SLC25A28: variants seen among roughly 807,000 people sequenced by gnomAD.
SLC25A28 encodes the protein solute carrier family 25 member 28, also known as mitoferrin-2.
Under a neutral mutation model 31.9 loss-of-function variants are expected in SLC25A28, and 10 were observed. That is an observed-to-expected ratio of 0.31 (90% CI 0.19 to 0.53). The LOEUF (loss-of-function observed/expected upper bound fraction) is 0.53, where lower values mean the gene tolerates loss of function less well. Ranked by LOEUF, SLC25A28 falls within the 20% of genes least tolerant of loss-of-function variation. The pLI is 0.95. For synonymous variants in SLC25A28, 208 were observed against 203.6 expected, an observed-to-expected ratio of 1.02 and a Z score of -0.19; for missense variants, 256 against 490.3, an observed-to-expected ratio of 0.52 and a Z score of 4.51.
upstream of SLC25A28, chr10:99,620,978 C>T (rs550589588): frequency 3.6e-5 from 35 of 985,302 alleles, no homozygotes; most frequent in Admixed American, 1.5e-3. Context: ...AATTCTGAGA[C>T]GCGTGGCTGG....
rs530162148 is a variant in SLC25A28 at position 99,613,546 on chromosome 10, A to C, written c.520+150T>G. On this transcript the variant is annotated intron_variant, in intron 2 of 3. Transcript: ENST00000370495. This position sits in a 1 kb window ranked among gnomAD's most constrained non-coding sequence, Gnocchi z 4.9. Reference sequence around the variant, plus strand: ...GGGTTGAAGCGGCCCGTTGTCTGAGAACATCAGGTTTGGAAGTCCCTCCCT... The same window carrying C: ...GGGTTGAAGCGGCCCGTTGTCTGAGCACATCAGGTTTGGAAGTCCCTCCCT... The C allele has an allele frequency of 4.8e-5, 71 of 1,489,378 alleles. 1 individual carries two copies. The South Asian group carries it at 9.4e-4, about 20-fold the overall frequency. 92.3% of individuals were successfully genotyped at this position (1,489,378 alleles called of 1,614,324 possible).
chr10:99,619,559 T>G (rs186954362), intron 1 of SLC25A28, among the ~76,000 whole-genome samples: 6 of 152,342 alleles, frequency 3.9e-5, no homozygotes, highest in Admixed American at 2.0e-4. Flanking sequence ...GTAAGTCCTT[T>G]ATCTAGCTGA....
chr10:99,641,820 G>A, the SLC25A28 span, among the ~76,000 whole-genome samples: 1 of 152,206 alleles, frequency 6.6e-6, no homozygotes, highest in East Asian at 1.9e-4. Flanking sequence ...TTATTAAATA[G>A]GGAATCCTTT....
At chr10:99,640,537 T>C in the SLC25A28 span, among the ~76,000 whole-genome samples, 991 of 152,336 alleles carry the variant, frequency 6.5e-3, 16 homozygotes, top group African/African-American at 0.021. Flanking sequence ...TTTTAATGTT[T>C]ATATATTTAC....
At chr10:99,627,776 A>G in the SLC25A28 span, among the ~76,000 whole-genome samples, 1 of 152,106 alleles carries the variant, frequency 6.6e-6, no homozygotes, top group Non-Finnish European at 1.5e-5. Context: ...CAATTAAGTT[A>G]TTATTAACTA....
upstream of SLC25A28, chr10:99,621,952 T>G (rs1207196230): frequency 6.6e-6 from 1 of 152,164 alleles, no homozygotes; most frequent in African/African-American, 2.4e-5. Flanking sequence ...GCACTCAAAA[T>G]TTTGCATATC....
the SLC25A28 span, among the ~76,000 whole-genome samples, chr10:99,648,465 A>T: frequency 6.6e-6 from 1 of 151,810 alleles, no homozygotes; most frequent in African/African-American, 2.4e-5. Flanking sequence ...GAATTTTAGG[A>T]TTTTTTTATA....
chr10:99,630,771 G>A, the SLC25A28 span, among the ~76,000 whole-genome samples: 1 of 152,158 alleles, frequency 6.6e-6, no homozygotes, highest in East Asian at 1.9e-4. Context: ...AGTCTTCTGG[G>A]GAAGACAGGC....
rs1211470221 is a variant in SLC25A28, at chr10:99,613,355, G to A, written c.520+341C>T. 1 of 1,183,008 alleles carries A rather than the reference G, an allele frequency of 8.5e-7. No individual in the cohort carries two copies. Among genetic ancestry groups the A allele is most frequent in the African/African-American group, 1.6e-5 (1 of 63,298 alleles). The allele number at this position is 1,183,008 out of a possible 1,614,324, so 73.3% of individuals were successfully genotyped here. A position where few individuals can be genotyped will look rare whatever the true frequency, so the allele number is the denominator to read the frequency against. On this transcript the variant is annotated intron_variant, in intron 2 of 3. Transcript: ENST00000370495. This position sits in a 1 kb window ranked among gnomAD's most constrained non-coding sequence, Gnocchi z 4.9. Reference sequence around the variant, plus strand: ...GTCGCCTCCAATCCTGCCCTAAGGAGCAGGACACCACCCAACTGTCAAACA... The same window carrying A: ...GTCGCCTCCAATCCTGCCCTAAGGAACAGGACACCACCCAACTGTCAAACA...
At chr10:99,620,978 C>G, upstream of SLC25A28, 1 of 985,302 alleles carries the variant, frequency 1.0e-6, no homozygotes, top group Non-Finnish European at 1.2e-6. Flanking sequence ...AATTCTGAGA[C>G]GCGTGGCTGG....
Position 99,611,317 on chromosome 10 carries a change from T to G in SLC25A28, c.627A>C (p.Thr209=). The change falls in exon 4 of 4, where the codon ACA becomes ACC. Residue 209 remains threonine (T), a synonymous_variant. Coordinates refer to ENST00000370495, the MANE Select transcript of SLC25A28 (RefSeq NM_031212.4). The surrounding 1 kb of genome is among the most constrained non-coding windows in gnomAD (Gnocchi z 5.5). ...TTTGCCACACTGCCCGTACACAGTC[T>G]GTCACCCGGTGGTATGGTGAGTTGT... is the stretch of plus-strand genomic sequence containing the variant. The part of the protein sequence containing the change: ...QMYNSPYHRV[T]DCVRAVWQNE... The G allele has an allele frequency of 6.2e-7, 1 of 1,614,132 alleles. No individual in the cohort carries two copies. Among genetic ancestry groups the G allele is most frequent in the Non-Finnish European group, 8.5e-7 (1 of 1,180,026 alleles).
the SLC25A28 span, chr10:99,652,075 T>C: frequency 2.0e-5 from 3 of 152,338 alleles, no homozygotes; most frequent in Middle Eastern, 3.4e-3. Flanking sequence ...TTTTTATAAG[T>C]GATGTTAGAT....
Position 99,613,122 on chromosome 10 carries a change from G to A in SLC25A28, c.521-523C>T, listed in dbSNP as rs375339128. ...TCCACACTCAACTTGGTTTCCAGCC[G>A]GTCCTAAAGCCCTAGGCTGCTATCC... On this transcript the variant is annotated intron_variant, in intron 2 of 3. Coordinates refer to ENST00000370495, the MANE Select transcript of SLC25A28 (RefSeq NM_031212.4). This position sits in a 1 kb window ranked among gnomAD's most constrained non-coding sequence, Gnocchi z 4.9. 1.4e-4 allele frequency among the ~76,000 whole-genome samples: 21 copies of A among 152,122 alleles called. No individual in the cohort carries two copies. The highest frequency in any genetic ancestry group is 2.6e-4 in the Admixed American group (4 of 15,274).
the SLC25A28 span, among the ~76,000 whole-genome samples, chr10:99,631,875 G>GTTTTTTTTT: frequency 1.1e-5 from 1 of 91,976 alleles, no homozygotes; most frequent in African/African-American, 4.0e-5. Context: ...CGCTCAGTAT[G>GTTTTTTTTT]TTATTTTTTT....
the SLC25A28 span, among the ~76,000 whole-genome samples, chr10:99,636,956 C>G: frequency 0.41 from 61,804 of 151,934 alleles, 12,825 homozygotes; most frequent in East Asian, 0.6. Context: ...CAGCATCACC[C>G]TAATACTAAA....
chr10:99,614,059 T>A (rs540187025), intron 1 of SLC25A28, 135 bp from the exon 2 acceptor site: 1 of 1,078,800 alleles, frequency 9.3e-7, no homozygotes, highest in East Asian at 2.6e-5. Flanking sequence ...TTATTTCCAA[T>A]CTATAGCTGA....
chr10:99,628,952 T>C, the SLC25A28 span, among the ~76,000 whole-genome samples: 3 of 152,222 alleles, frequency 2.0e-5, no homozygotes, highest in African/African-American at 7.2e-5. Context: ...TCAGCCACTA[T>C]GGAAAACAGT....
chr10:99,644,096 G>A, the SLC25A28 span, among the ~76,000 whole-genome samples: 1 of 152,190 alleles, frequency 6.6e-6, no homozygotes, highest in African/African-American at 2.4e-5. Context: ...TTGGTGCAGA[G>A]CTGAGTTCAA....
chr10:99,620,120 G>A lies in SLC25A28; in HGVS notation c.216C>T (p.Val72=), dbSNP rs1275732604. The change falls in exon 1 of 4, where the codon GTC becomes GTT. Residue 72 remains valine (V), a synonymous_variant. Transcript: ENST00000370495. ...DYEALPAGAT[V]TTHMVAGAVA... ...CGGCGCCTGCCACCATGTGCGTGGTGACAGTGGCTCCAGCCGGCAGCGCCT... is the reference window on the plus strand; with the variant it reads ...CGGCGCCTGCCACCATGTGCGTGGTAACAGTGGCTCCAGCCGGCAGCGCCT... 1 of 1,583,380 alleles carries A rather than the reference G, an allele frequency of 6.3e-7. No individual in the cohort carries two copies.
Sources: gnomAD v4.1 joint callset for allele counts (sites outside exome capture counted in the v4.1 genomes callset) on GRCh38, gnomAD v4.1.1 for gene constraint, Gnocchi (gnomAD v3.1) non-coding constraint, MANE v1.5 for transcripts, NCBI Gene and HGNC (gene_info 2026-07-23, HGNC 2026-07-21) for gene names.